The following TRAF3IP2 variants were observed in gnomAD, a reference collection of about 807,000 sequenced individuals.
TRAF3IP2 encodes E3 ubiquitin ligase TRAF3IP2.
Under a neutral mutation model 57.9 loss-of-function variants are expected in TRAF3IP2, and 35 were observed. The observed-to-expected ratio is 0.60, with a 90% CI of 0.46 to 0.80. The LOEUF (loss-of-function observed/expected upper bound fraction) is 0.80, where lower values mean the gene tolerates loss of function less well. Among genes scored for constraint, TRAF3IP2 ranks in the 30% least tolerant of loss-of-function variants. The pLI is 0.00. For synonymous variants in TRAF3IP2, 251 were observed against 268.9 expected (o/e 0.93, Z 0.65); for missense variants, 556 against 706.4 (o/e 0.79, Z 2.41).
chr6:111,599,066 A>ATTTTT (rs1017585005), intron 1 of TRAF3IP2, among the ~76,000 whole-genome samples: 7 of 129,056 alleles, frequency 5.4e-5, no homozygotes, highest in Admixed American at 8.1e-5. Flanking sequence ...CACCTGGTTA[A>ATTTTT]TTTTTTTTTT....
chr6:111,556,561 G>A lies in TRAF3IP2; in HGVS notation c.*2844C>T, dbSNP rs1416443037. ...AAAGAAGACTTGAAGTTTGTGTTTG[G>A]GTGTTTTCCAGGTTATCCAAATATG... On this transcript the variant is annotated 3_prime_UTR_variant, in exon 9 of 9. Transcript: ENST00000368761. 1 of 152,096 alleles carries A rather than the reference G, an allele frequency of 6.6e-6. No individual in the cohort carries two copies. The highest frequency in any genetic ancestry group is 6.5e-5 in the Admixed American group (1 of 15,272). 9.4% of individuals were successfully genotyped at this position (152,096 alleles called of 1,614,324 possible). A position where few individuals can be genotyped will look rare whatever the true frequency, so the allele number is the denominator to read the frequency against.
At chr6:111,597,052 C>A (rs1314121013) in intron 1 of TRAF3IP2, among the ~76,000 whole-genome samples, 1 of 152,228 alleles carries the variant, frequency 6.6e-6, no homozygotes, top group African/African-American at 2.4e-5. Context: ...GTAGCCGGAT[C>A]AGTGACAATG....
At chr6:111,584,097 G>A (rs1796255534) in intron 2 of TRAF3IP2, among the ~76,000 whole-genome samples, 1 of 152,072 alleles carries the variant, frequency 6.6e-6, no homozygotes, top group Admixed American at 6.6e-5. Flanking sequence ...CTAATCATAG[G>A]GTTTATTTCT....
At chr6:111,590,085 AG>A (rs367802863) in intron 2 of TRAF3IP2, among the ~76,000 whole-genome samples, 1 of 152,294 alleles carries the variant, frequency 6.6e-6, no homozygotes, top group Non-Finnish European at 1.5e-5. Flanking sequence ...GAATGGTAGT[AG>A]GAAAAAAAAA....
chr6:111,588,236 C>A (rs554196325), intron 2 of TRAF3IP2, among the ~76,000 whole-genome samples: 1 of 152,174 alleles, frequency 6.6e-6, no homozygotes, highest in South Asian at 2.1e-4. Flanking sequence ...GTGAATTATT[C>A]CCCTCTCCTA....
chr6:111,564,512 T>G (rs1235085490), intron 7 of TRAF3IP2, among the ~76,000 whole-genome samples: 1 of 152,212 alleles, frequency 6.6e-6, no homozygotes, highest in East Asian at 1.9e-4. Flanking sequence ...TTCTGTAAAC[T>G]AATTCACTGT....
intron 8 of TRAF3IP2, among the ~76,000 whole-genome samples, chr6:111,562,691 A>G (rs557696980): frequency 1.3e-3 from 201 of 152,190 alleles, no homozygotes; most frequent in African/African-American, 4.6e-3. Context: ...TAAAAATAAA[A>G]AAAATTAGCC....
chr6:111,563,543 G>A (rs1351191369), intron 7 of TRAF3IP2, among the ~76,000 whole-genome samples: 2 of 152,210 alleles, frequency 1.3e-5, no homozygotes, highest in Admixed American at 1.3e-4. Context: ...AGTGCCGGGT[G>A]AAAAGTATTA....
chr6:111,559,289 T>G lies in TRAF3IP2; in HGVS notation c.*116A>C. 7.0e-7 allele frequency: 1 copy of G among 1,431,736 alleles called. No homozygotes were observed. Among genetic ancestry groups the G allele is most frequent in the Non-Finnish European group, 9.4e-7 (1 of 1,064,072 alleles). The allele number at this position is 1,431,736 out of a possible 1,614,324, so 88.7% of individuals were successfully genotyped here. A position where few individuals can be genotyped will look rare whatever the true frequency, so the allele number is the denominator to read the frequency against. The stretch of plus-strand genomic sequence containing the variant: ...GGTTTCCTGGGGGCCAGAGGGCCTC[T>G]CGGGGAGGAACAGAAAAAAACCAGC... On this transcript the variant is annotated 3_prime_UTR_variant, in exon 9 of 9. Transcript: ENST00000368761.
chr6:111,595,721 C>T (rs1224251156), intron 1 of TRAF3IP2, among the ~76,000 whole-genome samples: 1 of 151,526 alleles, frequency 6.6e-6, no homozygotes, highest in Non-Finnish European at 1.5e-5. Flanking sequence ...CCAGCTACTC[C>T]AGAGGCTGAG....
At chr6:111,594,746 T>C (rs1173328546) in intron 1 of TRAF3IP2, among the ~76,000 whole-genome samples, 1 of 152,042 alleles carries the variant, frequency 6.6e-6, no homozygotes, top group East Asian at 1.9e-4. Context: ...AGACCCTGTC[T>C]CTACAAAAAA....
intron 2 of TRAF3IP2, among the ~76,000 whole-genome samples, chr6:111,585,355 T>C (rs1407791188): frequency 6.6e-6 from 1 of 152,074 alleles, no homozygotes; most frequent in Admixed American, 6.6e-5. Flanking sequence ...AAATGGCTTT[T>C]CCAAGGCTTC....
Position 111,562,989 on chromosome 6 carries a change from A to T in TRAF3IP2, c.1527T>A (p.Pro509=). Residue 509 remains proline, a synonymous_variant, in exon 8 of 9, where the codon CCT becomes CCA. Transcript: ENST00000368761. ...KQGSMNFRFI[P]VLFPNAKKEH... ...CCTTCTTAGCATTTGGGAAGAGCAC[A>T]GGGATGAATCTGAAATTCATGCTTC... 3 of 1,612,942 alleles carry T rather than the reference A, an allele frequency of 1.9e-6. No individual in the cohort carries two copies. The highest frequency in any genetic ancestry group is 2.5e-6 in the Non-Finnish European group (3 of 1,179,754).
intron 2 of TRAF3IP2, among the ~76,000 whole-genome samples, chr6:111,584,644 CA>C (rs199673946): frequency 5.9e-3 from 796 of 135,526 alleles, no homozygotes; most frequent in African/African-American, 0.016. Context: ...AAAAAAATAC[CA>C]AAAAAAAAAA....
intron 2 of TRAF3IP2, among the ~76,000 whole-genome samples, chr6:111,586,235 CTTT>C (rs77088771): frequency 2.1e-5 from 3 of 145,276 alleles, no homozygotes; most frequent in East Asian, 2.0e-4. Context: ...AATCCCTCCC[CTTT>C]TTTTTTTTTG....
intron 5 of TRAF3IP2, among the ~76,000 whole-genome samples, chr6:111,571,566 A>G (rs1005571218): frequency 6.6e-6 from 1 of 152,182 alleles, no homozygotes; most frequent in Non-Finnish European, 1.5e-5. Flanking sequence ...GTCTCTATAT[A>G]ATTATGGAGT....
intron 3 of TRAF3IP2, 85 bp downstream of exon 3, chr6:111,580,112 T>C (rs1312276336): frequency 1.3e-6 from 2 of 1,498,908 alleles, no homozygotes; most frequent in Non-Finnish European, 9.0e-7. Flanking sequence ...AGCAAACCTA[T>C]AGAGAATTCT....
chr6:111,602,624 G>A (rs1336365971), intron 1 of TRAF3IP2, among the ~76,000 whole-genome samples: 1 of 152,172 alleles, frequency 6.6e-6, no homozygotes, highest in East Asian at 1.9e-4. Context: ...AGTTGGAAGA[G>A]AAGGGAAAGA....
chr6:111,560,477 G>A (rs1401027957), intron 8 of TRAF3IP2, among the ~76,000 whole-genome samples: 1 of 152,254 alleles, frequency 6.6e-6, no homozygotes, highest in Non-Finnish European at 1.5e-5. Context: ...AGGGACTATA[G>A]GACGGGACTT....
Sources: allele counts gnomAD v4.1 joint callset (sites outside exome capture counted in the v4.1 genomes callset), GRCh38; gene constraint gnomAD v4.1.1; transcripts MANE v1.5; gene names NCBI Gene and HGNC (gene_info 2026-07-23, HGNC 2026-07-21).